Variants in CEMIP observed in about 807,000 individuals in gnomAD.
CEMIP encodes the protein cell migration inducing hyaluronidase 1.
In CEMIP, 105 loss-of-function variants were observed where a neutral mutation model predicts 156.9. That is an observed-to-expected ratio of 0.67 (90% confidence interval 0.57 to 0.79). The LOEUF (loss-of-function observed/expected upper bound fraction) is 0.79, where lower values mean the gene tolerates loss of function less well. Among genes scored for constraint, CEMIP ranks in the 30% least tolerant of loss-of-function variants. CEMIP has a pLI of 0.00. For synonymous variants in CEMIP, 676 were observed against 668.4 expected, an observed-to-expected ratio of 1.01 and a Z score of -0.17; for missense variants, 1,457 against 1,769.4, an observed-to-expected ratio of 0.82 and a Z score of 3.17.
At chr15:80,784,283 G>A (rs187300740) in intron 1 of CEMIP, among the ~76,000 whole-genome samples, 9 of 152,236 alleles carry the variant, frequency 5.9e-5, no homozygotes, top group East Asian at 3.9e-4. Context: ...TTTCTGTTAC[G>A]GAGAAAGCAT....
intron 23 of CEMIP, among the ~76,000 whole-genome samples, chr15:80,935,432 T>C (rs1901083330): frequency 6.6e-6 from 1 of 152,220 alleles, no homozygotes; most frequent in Non-Finnish European, 1.5e-5. Flanking sequence ...GCTTGCCAGA[T>C]TATCATAACT....
At chr15:80,927,674 T>G (rs1187093789) in intron 19 of CEMIP, among the ~76,000 whole-genome samples, 5 of 152,022 alleles carry the variant, frequency 3.3e-5, no homozygotes, top group Non-Finnish European at 7.4e-5. Flanking sequence ...AAGGCTGTGG[T>G]CCTACGTGTG....
chr15:80,942,927 A>C lies in CEMIP; in HGVS notation c.3700-18A>C, dbSNP rs550408228. Reference sequence around the variant, plus strand: ...CCTTGGCACCCTGCCTCACACCTGGATTGCTCTGGCTCTGTAGGTGGATGG... The same window carrying C: ...CCTTGGCACCCTGCCTCACACCTGGCTTGCTCTGGCTCTGTAGGTGGATGG... On this transcript the variant is annotated intron_variant, in intron 27 of 29. Transcript: ENST00000394685. The C allele has an allele frequency of 1.2e-6, 2 of 1,614,176 alleles. No individual in the cohort carries two copies. Among genetic ancestry groups the C allele is most frequent in the Admixed American group, 3.3e-5 (2 of 60,028 alleles).
chr15:80,826,068 C>G (rs1016371213), intron 1 of CEMIP, among the ~76,000 whole-genome samples: 1 of 152,200 alleles, frequency 6.6e-6, no homozygotes, highest in Non-Finnish European at 1.5e-5. Context: ...CAACTCCATC[C>G]AATCATTTTC....
chr15:80,798,730 C>T (rs926784920), intron 1 of CEMIP, among the ~76,000 whole-genome samples: 9 of 152,138 alleles, frequency 5.9e-5, no homozygotes, highest in East Asian at 1.9e-4. Flanking sequence ...GGTCTGATCT[C>T]ATTACATATT....
intron 1 of CEMIP, among the ~76,000 whole-genome samples, chr15:80,847,990 C>T (rs1897604909): frequency 6.6e-6 from 1 of 152,260 alleles, no homozygotes; most frequent in African/African-American, 2.4e-5. Flanking sequence ...CCTCAAATGC[C>T]TTCTGCAGGG....
chr15:80,841,629 TC>T (rs1897420858), intron 1 of CEMIP, among the ~76,000 whole-genome samples: 1 of 152,216 alleles, frequency 6.6e-6, no homozygotes, highest in Non-Finnish European at 1.5e-5. Context: ...GGAGGCTCTT[TC>T]TTTTTCCTTC....
intron 14 of CEMIP, among the ~76,000 whole-genome samples, chr15:80,913,898 T>C (rs893999351): frequency 2.6e-5 from 4 of 152,254 alleles, no homozygotes; most frequent in African/African-American, 4.8e-5. Flanking sequence ...GCTTTGGTTA[T>C]CCTAGCGATG....
intron 1 of CEMIP, among the ~76,000 whole-genome samples, chr15:80,826,729 A>C (rs1379206993): frequency 6.6e-6 from 1 of 152,200 alleles, no homozygotes; most frequent in Non-Finnish European, 1.5e-5. Context: ...CACAGAAGTC[A>C]TGCATTTGGC....
intron 18 of CEMIP, 133 bp downstream of exon 18, chr15:80,924,839 G>C: frequency 3.6e-6 from 3 of 822,500 alleles, no homozygotes; most frequent in Admixed American, 2.0e-5. Context: ...TGAGCTAGTT[G>C]CTGGGGGTAC....
intron 1 of CEMIP, among the ~76,000 whole-genome samples, chr15:80,845,458 C>T (rs1420456283): frequency 6.6e-6 from 1 of 152,118 alleles, no homozygotes; most frequent in African/African-American, 2.4e-5. Flanking sequence ...ATATATTGAG[C>T]AAATATGGTG....
chr15:80,907,124 A>C (rs140337020), intron 13 of CEMIP, among the ~76,000 whole-genome samples: 5 of 152,360 alleles, frequency 3.3e-5, no homozygotes, highest in Non-Finnish European at 7.3e-5. Flanking sequence ...CATTGCCTTC[A>C]TTCCTTGTCT....
At chr15:80,786,219 T>C (rs555103505) in intron 1 of CEMIP, among the ~76,000 whole-genome samples, 5 of 152,234 alleles carry the variant, frequency 3.3e-5, no homozygotes, top group African/African-American at 1.2e-4. Context: ...AGTTTTATTG[T>C]GGTTTGTGTT....
intron 1 of CEMIP, among the ~76,000 whole-genome samples, chr15:80,831,519 G>A (rs972642025): frequency 3.3e-5 from 5 of 152,204 alleles, no homozygotes; most frequent in Admixed American, 2.6e-4. Context: ...ATCTCTGGGA[G>A]GTGGCACCTG....
intron 12 of CEMIP, chr15:80,903,308 TG>T: frequency 6.6e-6 from 1 of 152,440 alleles, no homozygotes; most frequent in Non-Finnish European, 1.5e-5. Flanking sequence ...AGGCTCGGCC[TG>T]GTTTCCTGGC....
At chr15:80,887,896 C>A in intron 8 of CEMIP, 132 bp downstream of exon 8, 1 of 776,062 alleles carries the variant, frequency 1.3e-6, no homozygotes, top group South Asian at 1.5e-5. Context: ...GAGTGAGCAG[C>A]CGCTTAACTG....
At chr15:80,809,519 C>T (rs1248749776) in intron 1 of CEMIP, among the ~76,000 whole-genome samples, 1 of 152,166 alleles carries the variant, frequency 6.6e-6, no homozygotes, top group African/African-American at 2.4e-5. Flanking sequence ...AGGTTAATTT[C>T]ATGGTACTAC....
intron 16 of CEMIP, among the ~76,000 whole-genome samples, chr15:80,921,494 G>A (rs1029153706): frequency 6.6e-6 from 1 of 152,216 alleles, no homozygotes; most frequent in African/African-American, 2.4e-5. Context: ...ATCTGATGGG[G>A]GAGGAAGCTA....
intron 3 of CEMIP, among the ~76,000 whole-genome samples, chr15:80,877,480 G>A (rs532585517): frequency 6.6e-6 from 1 of 152,266 alleles, no homozygotes; most frequent in Admixed American, 6.5e-5. Flanking sequence ...GAAAGCTACT[G>A]TTTCATACTT....
Sources: gnomAD v4.1 joint callset for allele counts (sites outside exome capture counted in the v4.1 genomes callset) on GRCh38, gnomAD v4.1.1 for gene constraint, MANE v1.5 for transcripts, NCBI Gene and HGNC (gene_info 2026-07-23, HGNC 2026-07-21) for gene names.